The following SRRM3 variants were observed in gnomAD, a reference collection of about 807,000 sequenced individuals.
SRRM3 encodes serine/arginine repetitive matrix 3, also known as serine/arginine repetitive matrix protein 3.
In SRRM3, 27 loss-of-function variants were observed where a neutral mutation model predicts 66.2. The ratio of observed to expected loss-of-function variants is 0.41; its 90% CI spans 0.30 to 0.56. The LOEUF is 0.56. SRRM3 is among the 20% of genes least tolerant of loss of function. The probability of loss-of-function intolerance (pLI) is 0.32; values close to 1 mark genes in which losing one functional copy is unlikely to be tolerated. For synonymous variants in SRRM3, 391 were observed against 414.9 expected (o/e 0.94, Z 0.70); for missense variants, 918 against 991.9 (o/e 0.93, Z 1.00).
chr7:76,213,853 T>C (rs1166449094), intron 1 of SRRM3, among the ~76,000 whole-genome samples: 1 of 152,114 alleles, frequency 6.6e-6, no homozygotes, highest in Non-Finnish European at 1.5e-5. Context: ...CACTGCAGCC[T>C]CGAACTCCCA....
At position 76,282,765 on chromosome 7, in the gene SRRM3, C is replaced by T; in HGVS notation, c.1488C>T (p.Pro496=). ...KSSSRSPGPH[P]RSWSSSRSPS... is the part of the protein sequence containing the mutation. ...CGTCGCGCAGCCCCGGCCCGCACCC[C>T]CGCTCCTGGAGCTCCAGCCGCTCGC... The change falls in exon 13 of 15, where the codon CCC becomes CCT. Residue 496 remains proline (P), a synonymous_variant. Transcript: ENST00000611745. 6.8e-7 allele frequency: 1 copy of T among 1,465,332 alleles called. No individual in the cohort carries two copies. Among genetic ancestry groups the T allele is most frequent in the Non-Finnish European group, 9.0e-7 (1 of 1,114,510 alleles). 90.8% of individuals were successfully genotyped at this position (1,465,332 alleles called of 1,614,324 possible). A position where few individuals can be genotyped will look rare whatever the true frequency, so the allele number is the denominator to read the frequency against.
At chr7:76,251,049 T>C (rs1483872073) in intron 3 of SRRM3, among the ~76,000 whole-genome samples, 1 of 152,178 alleles carries the variant, frequency 6.6e-6, no homozygotes, top group Non-Finnish European at 1.5e-5. Flanking sequence ...TCCTGGCTAA[T>C]GGGAAACAGG....
chr7:76,251,123 G>A (rs1801570996), intron 3 of SRRM3, among the ~76,000 whole-genome samples: 1 of 152,092 alleles, frequency 6.6e-6, no homozygotes. Flanking sequence ...TCTACCCAGG[G>A]CAGAGCCCTG....
intron 1 of SRRM3, among the ~76,000 whole-genome samples, chr7:76,224,331 T>G (rs1800802016): frequency 6.6e-6 from 1 of 151,006 alleles, no homozygotes; most frequent in Admixed American, 6.6e-5. Flanking sequence ...CTGCCCACCT[T>G]GGCCTCCCAA....
intron 1 of SRRM3, among the ~76,000 whole-genome samples, chr7:76,203,309 T>A (rs77515354): frequency 1.3e-5 from 2 of 152,298 alleles, no homozygotes; most frequent in East Asian, 3.9e-4. Flanking sequence ...TTGGGAGTCA[T>A]GGACTCTGAT....
At chr7:76,220,466 G>A (rs1377456702) in intron 1 of SRRM3, among the ~76,000 whole-genome samples, 1 of 152,186 alleles carries the variant, frequency 6.6e-6, no homozygotes, top group East Asian at 1.9e-4. Context: ...GTAGGACTGG[G>A]CACATTGCCA....
chr7:76,281,611 G>T lies in SRRM3; in HGVS notation c.1179G>T (p.Arg393=), dbSNP rs868988660. 2,877 of 975,380 alleles carry T rather than the reference G, an allele frequency of 2.9e-3. 57 individuals carry two copies. In the African/African-American group the frequency reaches 0.047, roughly 16 times the overall value. 60.4% of individuals were successfully genotyped at this position (975,380 alleles called of 1,614,324 possible). A position where few individuals can be genotyped will look rare whatever the true frequency, so the allele number is the denominator to read the frequency against. The stretch of plus-strand genomic sequence containing the variant: ...GGCGGCGGCGGCGGCGGCGTAGGCG[G>T]CGGCGCTCGCGGTCCTCGGCGTCCG... ...AGRRRRRRRR[R]RRSRSSASAP... Residue 393 remains arginine, a synonymous_variant, in exon 12 of 15, where the codon CGG becomes CGT. Transcript: ENST00000611745.
At chr7:76,230,987 G>A (rs1416217750) in intron 1 of SRRM3, among the ~76,000 whole-genome samples, 1 of 151,988 alleles carries the variant, frequency 6.6e-6, no homozygotes, top group Non-Finnish European at 1.5e-5. Flanking sequence ...CTGACCTCAG[G>A]TGATCCACTC....
rs1554606419 is a variant in SRRM3 at position 76,248,290 on chromosome 7, G to A, written c.335+1G>A. On this transcript the variant is annotated splice_donor_variant, in intron 3 of 14. Transcript: ENST00000611745. LOFTEE classifies it high-confidence loss of function. ...GGGAGGACCGGCCTGGGGGCCACAT[G>A]TGAGTGCTTACCTGTGTGGGGATGA... The A allele has an allele frequency of 1.2e-6, 2 of 1,611,064 alleles. No individual in the cohort carries two copies. The highest frequency in any genetic ancestry group is 1.7e-6 in the Non-Finnish European group (2 of 1,177,758).
chr7:76,281,785 C>T lies in SRRM3; in HGVS notation c.1353C>T (p.His451=), dbSNP rs782723008. The T allele has an allele frequency of 2.9e-6, 4 of 1,383,946 alleles. No homozygotes were observed. The highest frequency in any genetic ancestry group is 2.9e-5 in the South Asian group (2 of 69,290). The allele number at this position is 1,383,946 out of a possible 1,614,324, so 85.7% of individuals were successfully genotyped here. A position where few individuals can be genotyped will look rare whatever the true frequency, so the allele number is the denominator to read the frequency against. ...PGPEPGSERG[H]GGHGKRAKER... is the part of the protein sequence containing the mutation. ...CCGAGCCCGGCTCTGAGCGAGGCCA[C>T]GGCGGACACGGGAAACGGTGAGCGT... is the stretch of plus-strand genomic sequence containing the variant. The change falls in exon 12 of 15, where the codon CAC becomes CAT. Residue 451 remains histidine, a synonymous_variant. Transcript: ENST00000611745.
At chr7:76,238,310 C>T (rs1801198084) in intron 2 of SRRM3, among the ~76,000 whole-genome samples, 1 of 152,192 alleles carries the variant, frequency 6.6e-6, no homozygotes, top group South Asian at 2.1e-4. Context: ...CCAGGCACCC[C>T]TGCTCTTTTA....
At chr7:76,206,966 C>A (rs934505093) in intron 1 of SRRM3, among the ~76,000 whole-genome samples, 1 of 152,128 alleles carries the variant, frequency 6.6e-6, no homozygotes, top group African/African-American at 2.4e-5. Flanking sequence ...AGGGTCCAGG[C>A]GACTTCCTCA....
chr7:76,240,262 T>C (rs892868920), intron 2 of SRRM3, among the ~76,000 whole-genome samples: 1 of 152,114 alleles, frequency 6.6e-6, no homozygotes, highest in Admixed American at 6.6e-5. Flanking sequence ...CGTGAGAGAA[T>C]TGCTTGAGGC....
intron 7 of SRRM3, 27 bp from the exon 8 acceptor site, chr7:76,261,519 C>G: frequency 6.2e-7 from 1 of 1,610,146 alleles, no homozygotes; most frequent in Non-Finnish European, 8.5e-7. Flanking sequence ...CAGGCAGGCT[C>G]AAGAGAACTC....
intron 1 of SRRM3, among the ~76,000 whole-genome samples, chr7:76,219,636 C>T (rs1350606886): frequency 2.0e-5 from 3 of 152,234 alleles, no homozygotes; most frequent in South Asian, 2.1e-4. Context: ...GGGCCGGGTG[C>T]GGTGGCTCAC....
chr7:76,202,394 G>C (rs1324778825), intron 1 of SRRM3, among the ~76,000 whole-genome samples: 3 of 152,186 alleles, frequency 2.0e-5, no homozygotes, highest in Non-Finnish European at 4.4e-5. Flanking sequence ...CTGCTCCCCA[G>C]GGAAGGGAGG....
intron 3 of SRRM3, among the ~76,000 whole-genome samples, chr7:76,254,608 G>A (rs1302339877): frequency 1.3e-5 from 2 of 151,990 alleles, no homozygotes; most frequent in African/African-American, 4.8e-5. Flanking sequence ...ACGAGCCACC[G>A]CACCCAGCCT....
At chr7:76,216,679 G>T (rs1554602630) in intron 1 of SRRM3, among the ~76,000 whole-genome samples, 1 of 152,240 alleles carries the variant, frequency 6.6e-6, no homozygotes. Context: ...GCTTTCTGGG[G>T]AGGAGAGGTT....
intron 2 of SRRM3, among the ~76,000 whole-genome samples, chr7:76,239,889 C>T (rs143957839): frequency 1.3e-5 from 2 of 151,674 alleles, no homozygotes; most frequent in East Asian, 1.9e-4. Context: ...AATTGCTGGG[C>T]GTGGTGGCTC....
Sources: gnomAD v4.1 joint callset for allele counts (sites outside exome capture counted in the v4.1 genomes callset) on GRCh38, gnomAD v4.1.1 for gene constraint, MANE v1.5 for transcripts, NCBI Gene and HGNC (gene_info 2026-07-23, HGNC 2026-07-21) for gene names.